Variants in AFF2 observed in about 807,000 individuals in gnomAD.
AFF2 encodes the protein AF4/FMR2 family member 2.
A neutral mutation model predicts 76.9 loss-of-function variants in AFF2; 14 were observed. The ratio of observed to expected loss-of-function variants is 0.18; its 90% confidence interval spans 0.12 to 0.28. The LOEUF (loss-of-function observed/expected upper bound fraction) is 0.28. Among genes scored for constraint, AFF2 ranks in the 10% least tolerant of loss-of-function variants. The pLI is 1.00. For synonymous variants in AFF2, 398 were observed against 366.7 expected (o/e 1.09, Z -0.98); for missense variants, 868 against 1,001.1 (o/e 0.87, Z 1.79).
At chrX:148,609,033 A>G (rs781942683) in intron 1 of AFF2, among the ~76,000 whole-genome samples, 1 of 111,400 alleles carries the variant, frequency 9.0e-6, no homozygotes, top group African/African-American at 3.3e-5. Flanking sequence ...CCATGCTGAC[A>G]TTGACTTTCC....
intron 1 of AFF2, among the ~76,000 whole-genome samples, chrX:148,592,065 A>T (rs2053527040): frequency 1.8e-5 from 2 of 111,307 alleles, no homozygotes; most frequent in African/African-American, 3.3e-5. Context: ...ATCTGAGGGC[A>T]CTCCTGGCAT....
At chrX:148,539,923 A>C (rs1395783948) in intron 1 of AFF2, among the ~76,000 whole-genome samples, 1 of 111,431 alleles carries the variant, frequency 9.0e-6, no homozygotes, top group Non-Finnish European at 1.9e-5. Flanking sequence ...TTAAGGGTAA[A>C]TGCTACCTGT....
intron 1 of AFF2, among the ~76,000 whole-genome samples, chrX:148,543,104 C>CCTAA (rs2052878703): frequency 9.0e-6 from 1 of 111,495 alleles, no homozygotes; most frequent in Non-Finnish European, 1.9e-5. Flanking sequence ...ATTGTAGACC[C>CCTAA]TGGTATTCAA....
rs782394562 is a variant in AFF2, at chrX:148,540,952, C to T, written c.47+39808C>T. Among the ~76,000 whole-genome samples the T allele has an allele frequency of 6.8e-4, 76 of 111,810 alleles. 2 individuals are homozygous for T. The Middle Eastern group carries it at 0.019, about 27-fold the overall frequency. On this transcript the variant is annotated intron_variant, in intron 1 of 20. Transcript: ENST00000370460. ...CTAGTTTCCTTCTTCATAGCCAAGA[C>T]GCGAGAAAAAATAAATGTCTAAAAA...
At chrX:148,504,652 C>G (rs781841760) in intron 1 of AFF2, among the ~76,000 whole-genome samples, 135 of 113,309 alleles carry the variant, frequency 1.2e-3, no homozygotes, top group Middle Eastern at 4.6e-3. Context: ...CTCTCCTCCT[C>G]CGGTAAAGGC....
intron 1 of AFF2, among the ~76,000 whole-genome samples, chrX:148,623,576 A>G (rs1191401062): frequency 9.6e-6 from 1 of 104,396 alleles, no homozygotes; most frequent in African/African-American, 3.5e-5. Context: ...TATAGTTCAT[A>G]TATATGTCCC....
intron 3 of AFF2, among the ~76,000 whole-genome samples, chrX:148,739,584 C>T (rs782073343): frequency 7.2e-5 from 8 of 111,601 alleles, no homozygotes; most frequent in South Asian, 3.7e-4. Context: ...ATCCATTCTG[C>T]GTTTCTGTAT....
intron 19 of AFF2, among the ~76,000 whole-genome samples, chrX:148,985,951 A>G (rs1312725421): frequency 9.1e-6 from 1 of 110,379 alleles, no homozygotes; most frequent in Non-Finnish European, 1.9e-5. Context: ...TGCAGTTGTA[A>G]TTGTTCCCAG....
intron 1 of AFF2, among the ~76,000 whole-genome samples, chrX:148,506,463 C>T (rs1956557275): frequency 9.0e-6 from 1 of 111,205 alleles, no homozygotes; most frequent in Non-Finnish European, 1.9e-5. Context: ...GTAATTTGAC[C>T]AGCCATGGAA....
intron 9 of AFF2, among the ~76,000 whole-genome samples, chrX:148,913,343 A>G (rs782036238): frequency 1.2e-4 from 14 of 112,349 alleles, no homozygotes; most frequent in Non-Finnish European, 2.1e-4. Flanking sequence ...TTAACAATTT[A>G]TTTTCTTAGA....
intron 7 of AFF2, among the ~76,000 whole-genome samples, chrX:148,866,036 AC>A (rs1412074708): frequency 9.0e-6 from 1 of 111,568 alleles, no homozygotes. Context: ...ACTAATTAGC[AC>A]CCTTGTTGGC....
At chrX:148,845,120 T>TACACACACAC (rs1463131629) in intron 7 of AFF2, among the ~76,000 whole-genome samples, 1 of 39,486 alleles carries the variant, frequency 2.5e-5, no homozygotes, top group African/African-American at 4.2e-5. Context: ...CACATACACA[T>TACACACACAC]ACACACACAC....
chrX:148,521,182 G>A (rs2052592939), intron 1 of AFF2, among the ~76,000 whole-genome samples: 1 of 111,437 alleles, frequency 9.0e-6, no homozygotes, highest in African/African-American at 3.3e-5. Context: ...GGGTCACCAG[G>A]TACCATTTGT....
chrX:148,507,205 T>A (rs989739284), intron 1 of AFF2, among the ~76,000 whole-genome samples: 1 of 112,662 alleles, frequency 8.9e-6, no homozygotes, highest in South Asian at 3.6e-4. Context: ...TAGTTATTTG[T>A]AATTCTTTTC....
chrX:148,524,793 T>C (rs2052640736), intron 1 of AFF2, among the ~76,000 whole-genome samples: 1 of 112,195 alleles, frequency 8.9e-6, no homozygotes, highest in African/African-American at 3.2e-5. Flanking sequence ...GGCATGTGTG[T>C]CCTGGGACAC....
chrX:148,860,740 T>A (rs1224907098), intron 7 of AFF2, among the ~76,000 whole-genome samples: 1 of 111,953 alleles, frequency 8.9e-6, no homozygotes, highest in Non-Finnish European at 1.9e-5. Flanking sequence ...TAAATTGACA[T>A]TATATGGCTT....
intron 8 of AFF2, among the ~76,000 whole-genome samples, chrX:148,892,684 A>T (rs2071237341): frequency 8.9e-6 from 1 of 111,894 alleles, no homozygotes; most frequent in African/African-American, 3.3e-5. Context: ...GATGCAATGA[A>T]TTTTACTCCT....
chrX:148,971,755 T>C (rs1557289589), intron 15 of AFF2, among the ~76,000 whole-genome samples: 1 of 77,319 alleles, frequency 1.3e-5, no homozygotes, highest in East Asian at 3.6e-4. Context: ...TTCTTTTTTT[T>C]TTTTTTTTTT....
chrX:148,662,287 A>G lies in AFF2; in HGVS notation c.560A>G (p.Asp187Gly). Reference sequence around the variant, plus strand: ...AACAAGATGCAGACTTTGACACAGGACCAGTCTCAAGCCAAACTGGAAGAC... The same window carrying G: ...AACAAGATGCAGACTTTGACACAGGGCCAGTCTCAAGCCAAACTGGAAGAC... ...QPNKMQTLTQDQSQAKLEDFF... is the reference protein window; with the variant it reads ...QPNKMQTLTQGQSQAKLEDFF... Residue 187 changes from aspartate (D) to glycine (G), a missense_variant, in exon 3 of 21, where the codon GAC becomes GGC. Coordinates refer to ENST00000370460, the MANE Select transcript of AFF2 (RefSeq NM_002025.4). The G allele has an allele frequency of 8.3e-7, 1 of 1,211,792 alleles. No individual in the cohort carries two copies. The highest frequency in any genetic ancestry group is 1.1e-6 in the Non-Finnish European group (1 of 895,531).
Sources: gnomAD v4.1 joint callset for allele counts (sites outside exome capture counted in the v4.1 genomes callset) on GRCh38, gnomAD v4.1.1 for gene constraint, MANE v1.5 for transcripts, NCBI Gene and HGNC (gene_info 2026-07-23, HGNC 2026-07-21) for gene names.